ANKRD24: variants seen among roughly 807,000 people sequenced by gnomAD.
ANKRD24 encodes ankyrin repeat domain-containing protein 24.
Under a neutral mutation model 127.8 loss-of-function variants are expected in ANKRD24, and 109 were observed. That is an observed-to-expected ratio of 0.85 (90% CI 0.73 to 1.00). The LOEUF (loss-of-function observed/expected upper bound fraction) is 1.00, where lower values mean the gene tolerates loss of function less well. Ranked by LOEUF, ANKRD24 falls within the 50% of genes least tolerant of loss-of-function variation. ANKRD24 has a pLI of 0.00. For missense variants in ANKRD24, 1,648 were observed against 1,570.2 expected (o/e 1.05, Z -0.84); for synonymous variants, 743 against 671.1 (o/e 1.11, Z -1.66).
intron 2 of ANKRD24, among the ~76,000 whole-genome samples, chr19:4,190,223 C>T (rs1222959043): frequency 6.6e-6 from 1 of 151,264 alleles, no homozygotes; most frequent in Non-Finnish European, 1.5e-5. Flanking sequence ...GTCACGAGGT[C>T]AGGAGATCGA....
At chr19:4,218,621 C>T (rs961984431) in intron 18 of ANKRD24, among the ~76,000 whole-genome samples, 2 of 152,040 alleles carry the variant, frequency 1.3e-5, no homozygotes. Flanking sequence ...TTTGACCCTG[C>T]AGCCATCCTG....
At position 4,198,097 on chromosome 19, in the gene ANKRD24, G is replaced by T; in HGVS notation, c.37-1586G>T. On this transcript the variant is annotated intron_variant, in intron 2 of 21. Transcript: ENST00000318934. This position sits in a 1 kb window ranked among gnomAD's most constrained non-coding sequence, Gnocchi z 6.1. ...CGGAGGCACCTGCGCGCCCTTGGCC[G>T]ACTCGGAGGAGGTGGAGATGGACGC... The T allele has an allele frequency of 2.2e-6, 1 of 461,390 alleles. No homozygotes were observed. Among genetic ancestry groups the T allele is most frequent in the South Asian group, 3.4e-5 (1 of 29,190 alleles). The allele number at this position is 461,390 out of a possible 1,614,324, so 28.6% of individuals were successfully genotyped here. A position where few individuals can be genotyped will look rare whatever the true frequency, so the allele number is the denominator to read the frequency against.
chr19:4,222,554 G>T, intron 19 of ANKRD24, 116 bp from the exon 20 acceptor site: 1 of 1,288,878 alleles, frequency 7.8e-7, no homozygotes, highest in East Asian at 2.7e-5. Flanking sequence ...GCTAACCCCA[G>T]GGACGGGACC....
At chr19:4,215,390 C>T (rs1969997899) in intron 15 of ANKRD24, among the ~76,000 whole-genome samples, 4 of 149,698 alleles carry the variant, frequency 2.7e-5, no homozygotes, top group African/African-American at 7.4e-5. Context: ...GAGGTTGAGG[C>T]GGGAGAATCA....
chr19:4,197,665 A>T (rs1336200612), intron 2 of ANKRD24, among the ~76,000 whole-genome samples: 1 of 152,204 alleles, frequency 6.6e-6, no homozygotes, highest in Non-Finnish European at 1.5e-5. Flanking sequence ...GAATGAATGA[A>T]TGAATGAATG....
chr19:4,194,548 C>T (rs185413368), intron 2 of ANKRD24, among the ~76,000 whole-genome samples: 1 of 152,256 alleles, frequency 6.6e-6, no homozygotes, highest in East Asian at 1.9e-4. Context: ...CGTGTAAATA[C>T]CATTCTCTAC....
At chr19:4,208,960 T>C in intron 11 of ANKRD24, 159 bp downstream of exon 11, 1 of 745,088 alleles carries the variant, frequency 1.3e-6, no homozygotes, top group Non-Finnish European at 2.2e-6. Context: ...GTGGCGGCAG[T>C]GTGCTCAGCC....
intron 5 of ANKRD24, 22 bp downstream of exon 5, chr19:4,200,193 G>A (rs528470868): frequency 7.0e-6 from 11 of 1,572,894 alleles, no homozygotes; most frequent in Non-Finnish European, 8.6e-6. Context: ...TGGGCCCCGG[G>A]GAGGGAGGAG....
chr19:4,213,972 A>G (rs1969914331), intron 15 of ANKRD24, among the ~76,000 whole-genome samples: 1 of 152,100 alleles, frequency 6.6e-6, no homozygotes, highest in Admixed American at 6.6e-5. Context: ...GCATCCATGC[A>G]GGGATGGATA....
At chr19:4,222,571 TG>T in intron 19 of ANKRD24, 98 bp from the exon 20 acceptor site, 1 of 1,365,296 alleles carries the variant, frequency 7.3e-7, no homozygotes, top group South Asian at 2.0e-5. Context: ...GACCTTCCCT[TG>T]AAAGCCTTTA....
intron 19 of ANKRD24, 71 bp from the exon 20 acceptor site, chr19:4,222,599 G>A: frequency 6.9e-7 from 1 of 1,459,708 alleles, no homozygotes; most frequent in Non-Finnish European, 9.1e-7. Context: ...GCCTCTTCCT[G>A]CGGCTGCAGA....
chr19:4,208,964 C>A, intron 11 of ANKRD24, 163 bp downstream of exon 11: 1 of 680,104 alleles, frequency 1.5e-6, no homozygotes, highest in Non-Finnish European at 2.4e-6. Context: ...CGGCAGTGTG[C>A]TCAGCCTAAC....
rs374354798 is a variant in ANKRD24, at chr19:4,207,885, C to A, written c.749C>A (p.Ala250Glu). 2.6e-6 allele frequency: 4 copies of A among 1,557,822 alleles called. No individual in the cohort carries two copies. The highest frequency in any genetic ancestry group is 2.4e-5 in the South Asian group (2 of 83,136). The part of the protein sequence containing the change: ...PGITDALGQD[A>E]AHYGALAGDK... ...ATCACCGATGCGCTGGGGCAGGACG[C>A]GGCTCACTATGGCGCCCTGGCGGGG... is the stretch of plus-strand genomic sequence containing the variant. Residue 250 changes from alanine to glutamate, a missense_variant, in exon 10 of 22, where the codon GCG (alanine) becomes GAG (glutamate). Transcript: ENST00000318934.
intron 11 of ANKRD24, among the ~76,000 whole-genome samples, chr19:4,209,428 T>C (rs1159884840): frequency 6.7e-6 from 1 of 148,284 alleles, no homozygotes; most frequent in Non-Finnish European, 1.5e-5. Context: ...TTTTTTTTTT[T>C]TGTTGTTGTT....
At chr19:4,210,188 G>A (rs762578886) in intron 12 of ANKRD24, 50 bp downstream of exon 12, 52 of 1,571,950 alleles carry the variant, frequency 3.3e-5, no homozygotes, top group Admixed American at 5.7e-5. Flanking sequence ...CCCCAGGCAC[G>A]GGGAGGGGCT....
chr19:4,194,140 A>G (rs1968563243), intron 2 of ANKRD24, among the ~76,000 whole-genome samples: 1 of 152,098 alleles, frequency 6.6e-6, no homozygotes, highest in African/African-American at 2.4e-5. Flanking sequence ...AACTTTATTT[A>G]TGGACACTGA....
In ANKRD24 at chr19:4,219,686, G is replaced by A. The variant is rs1970340782; in HGVS notation, c.3099G>A (p.Glu1033=). ...AEQQLRGLRT[E]AERARQAQSR... is the part of the protein sequence containing the mutation. The stretch of plus-strand genomic sequence containing the variant: ...AGCAGCTACGGGGGCTACGGACCGA[G>A]GCGGAAAGGGCTCGCCAGGCCCAGA... The change falls in exon 19 of 22, where the codon GAG becomes GAA. Residue 1033 remains glutamate (E), a synonymous_variant. Transcript: ENST00000318934. The A allele has an allele frequency of 6.2e-7, 1 of 1,613,826 alleles. No homozygotes were observed. Among genetic ancestry groups the A allele is most frequent in the Non-Finnish European group, 8.5e-7 (1 of 1,179,814 alleles).
chr19:4,190,224 A>G (rs1968307066), intron 2 of ANKRD24, among the ~76,000 whole-genome samples: 1 of 151,678 alleles, frequency 6.6e-6, no homozygotes, highest in Non-Finnish European at 1.5e-5. Context: ...TCACGAGGTC[A>G]GGAGATCGAG....
At chr19:4,221,704 A>G (rs1970452314) in intron 19 of ANKRD24, among the ~76,000 whole-genome samples, 3 of 152,204 alleles carry the variant, frequency 2.0e-5, no homozygotes, top group Admixed American at 2.0e-4. Context: ...ACCTTAGACC[A>G]GACACTTCAC....
Sources: allele counts gnomAD v4.1 joint callset (sites outside exome capture counted in the v4.1 genomes callset), GRCh38; gene constraint gnomAD v4.1.1; non-coding constraint Gnocchi (gnomAD v3.1); transcripts MANE v1.5; gene names NCBI Gene and HGNC (gene_info 2026-07-23, HGNC 2026-07-21).